The following ADAMTSL3 variants were observed in gnomAD, a reference collection of about 807,000 sequenced individuals.
The protein encoded by ADAMTSL3 is ADAMTS-like protein 3.
ADAMTSL3 carries 128 observed loss-of-function variants against 201.7 expected under a neutral mutation model. The observed-to-expected ratio is 0.63, with a 90% confidence interval of 0.55 to 0.73. The LOEUF (loss-of-function observed/expected upper bound fraction) is 0.73, where lower values mean the gene tolerates loss of function less well. Among genes scored for constraint, ADAMTSL3 ranks in the 30% least tolerant of loss-of-function variants. The pLI is 0.00. For synonymous variants in ADAMTSL3, 738 were observed against 748.4 expected (o/e 0.99, Z 0.23); for missense variants, 1,990 against 2,119.6 (o/e 0.94, Z 1.20).
At chr15:83,741,491 A>G (rs1189673804) in intron 3 of ADAMTSL3, among the ~76,000 whole-genome samples, 1 of 152,222 alleles carries the variant, frequency 6.6e-6, no homozygotes, top group Non-Finnish European at 1.5e-5. Context: ...TTCCTAATGA[A>G]TATCATCCAC....
intron 6 of ADAMTSL3, among the ~76,000 whole-genome samples, chr15:83,821,486 C>T (rs1362856370): frequency 6.6e-6 from 1 of 151,660 alleles, no homozygotes; most frequent in Non-Finnish European, 1.5e-5. Flanking sequence ...TAACAAAGCA[C>T]GTCTTGCACC....
At position 83,735,784 on chromosome 15, in the gene ADAMTSL3, A is replaced by G. The variant is rs761467934; in HGVS notation, c.189+31276A>G. Among the ~76,000 whole-genome samples, 3 of 152,198 alleles carry G rather than the reference A, an allele frequency of 2.0e-5. No homozygotes were observed. The East Asian group carries it at 5.8e-4, about 29-fold the overall frequency. Reference sequence around the variant, plus strand: ...TTTGGATATCCATTAACTGCTGGTGACAAAAGAGGAAGCCCCACGTTTAAC... The same window carrying G: ...TTTGGATATCCATTAACTGCTGGTGGCAAAAGAGGAAGCCCCACGTTTAAC... On this transcript the variant is annotated intron_variant, in intron 3 of 29. Coordinates refer to ENST00000286744, the MANE Select transcript of ADAMTSL3 (RefSeq NM_207517.3).
intron 7 of ADAMTSL3, among the ~76,000 whole-genome samples, chr15:83,842,864 G>A (rs1216001210): frequency 8.5e-5 from 13 of 152,162 alleles, no homozygotes; most frequent in Admixed American, 8.5e-4. Context: ...GTTAGTGTTG[G>A]CCTTAGAAAG....
intron 2 of ADAMTSL3, among the ~76,000 whole-genome samples, chr15:83,664,615 C>G (rs1017830240): frequency 5.9e-5 from 9 of 152,330 alleles, no homozygotes; most frequent in African/African-American, 1.9e-4. Context: ...GTTTCCTCCT[C>G]TCAGTTTCCA....
intron 4 of ADAMTSL3, among the ~76,000 whole-genome samples, chr15:83,775,774 G>A (rs559946220): frequency 6.0e-4 from 91 of 152,264 alleles, no homozygotes; most frequent in Non-Finnish European, 1.2e-3. Flanking sequence ...GGGATTTCTT[G>A]CGTCCAATTC....
intron 4 of ADAMTSL3, among the ~76,000 whole-genome samples, chr15:83,780,781 TG>T (rs2063156030): frequency 6.6e-6 from 1 of 152,178 alleles, no homozygotes; most frequent in African/African-American, 2.4e-5. Context: ...AAAATCAATG[TG>T]CAAAAATCAT....
rs551905292 is a variant in ADAMTSL3, at chr15:83,875,155, G to A, written c.960+4196G>A. Among the ~76,000 whole-genome samples the A allele has an allele frequency of 9.8e-5, 15 of 152,354 alleles. No homozygotes were observed. In the East Asian group the frequency reaches 1.4e-3, roughly 14 times the overall value. The stretch of plus-strand genomic sequence containing the variant: ...AAAGCAGGGTGATGCTGAGAGAGCC[G>A]TCAGTTTGCACTGAAAATCTGACCA... On this transcript the variant is annotated intron_variant, in intron 9 of 29. Transcript: ENST00000286744.
chr15:83,707,657 C>T (rs2061872040), intron 3 of ADAMTSL3, among the ~76,000 whole-genome samples: 1 of 152,170 alleles, frequency 6.6e-6, no homozygotes, highest in Admixed American at 6.5e-5. Context: ...ATTACAGATT[C>T]ATTTTGCCTG....
chr15:83,705,384 G>T (rs1319466849), intron 3 of ADAMTSL3, among the ~76,000 whole-genome samples: 1 of 152,154 alleles, frequency 6.6e-6, no homozygotes, highest in Non-Finnish European at 1.5e-5. Flanking sequence ...GGCCAGCTGT[G>T]CTCTCCTCAG....
chr15:83,701,954 GAA>G (rs1331195424), intron 2 of ADAMTSL3, among the ~76,000 whole-genome samples: 1 of 152,190 alleles, frequency 6.6e-6, no homozygotes, highest in African/African-American at 2.4e-5. Context: ...GAAAATGTGG[GAA>G]AGTTTGGAAC....
intron 3 of ADAMTSL3, among the ~76,000 whole-genome samples, chr15:83,712,297 A>T (rs1247735436): frequency 6.6e-6 from 1 of 152,016 alleles, no homozygotes; most frequent in African/African-American, 2.4e-5. Flanking sequence ...TCGTCCCCTC[A>T]TGGTCAACAG....
At chr15:83,934,123 A>T (rs2066417007) in intron 17 of ADAMTSL3, among the ~76,000 whole-genome samples, 1 of 152,188 alleles carries the variant, frequency 6.6e-6, no homozygotes, top group Admixed American at 6.5e-5. Flanking sequence ...GACAGCTTGC[A>T]CTGTGTTCCT....
intron 27 of ADAMTSL3, 72 bp from the exon 28 acceptor site, chr15:84,031,263 G>A (rs2068403732): frequency 4.1e-6 from 6 of 1,459,412 alleles, no homozygotes; most frequent in Non-Finnish European, 5.7e-6. Context: ...TCCTGCCTCA[G>A]TACATGATCT....
At chr15:83,747,839 C>T (rs913789323) in intron 3 of ADAMTSL3, among the ~76,000 whole-genome samples, 6 of 151,238 alleles carry the variant, frequency 4.0e-5, no homozygotes, top group Non-Finnish European at 5.9e-5. Flanking sequence ...GATGGAGAAG[C>T]GGATCTTATT....
chr15:83,766,476 A>AG (rs747448199), intron 3 of ADAMTSL3, among the ~76,000 whole-genome samples: 4 of 152,308 alleles, frequency 2.6e-5, no homozygotes, highest in South Asian at 4.2e-4. Context: ...TGCAATATAG[A>AG]GGGGGAAAAA....
intron 17 of ADAMTSL3, among the ~76,000 whole-genome samples, chr15:83,926,573 T>C (rs1025282287): frequency 1.4e-4 from 22 of 151,996 alleles, no homozygotes; most frequent in Admixed American, 1.2e-3. Context: ...AATCTGCAAA[T>C]ATCATCGTTT....
intron 19 of ADAMTSL3, among the ~76,000 whole-genome samples, chr15:83,951,317 T>C (rs559812735): frequency 1.3e-5 from 2 of 152,188 alleles, no homozygotes; most frequent in Admixed American, 6.5e-5. Flanking sequence ...ATGTATTACA[T>C]TGATTGATTT....
chr15:83,905,697 T>A (rs2065818212), intron 15 of ADAMTSL3, among the ~76,000 whole-genome samples: 1 of 152,230 alleles, frequency 6.6e-6, no homozygotes, highest in Non-Finnish European at 1.5e-5. Flanking sequence ...TAAATAAAAC[T>A]GCAGCGAATT....
chr15:83,750,165 G>T (rs183950125), intron 3 of ADAMTSL3, among the ~76,000 whole-genome samples: 1 of 152,174 alleles, frequency 6.6e-6, no homozygotes, highest in South Asian at 2.1e-4. Flanking sequence ...CCAGAGTCAC[G>T]TATCAGCTAT....
Sources: allele counts gnomAD v4.1 joint callset (sites outside exome capture counted in the v4.1 genomes callset), GRCh38; gene constraint gnomAD v4.1.1; transcripts MANE v1.5; gene names NCBI Gene and HGNC (gene_info 2026-07-23, HGNC 2026-07-21).